The following LRMDA variants were observed in gnomAD, a reference collection of about 807,000 sequenced individuals.
LRMDA encodes leucine rich melanocyte differentiation associated.
In LRMDA, 18 loss-of-function variants were observed where a neutral mutation model predicts 29.8. The observed-to-expected ratio is 0.60, with a 90% CI of 0.42 to 0.90. The LOEUF (loss-of-function observed/expected upper bound fraction) is 0.90. Ranked by LOEUF, LRMDA falls within the 40% of genes least tolerant of loss-of-function variation. The probability of loss-of-function intolerance (pLI) is 0.00; values close to 1 mark genes in which losing one functional copy is unlikely to be tolerated. For synonymous variants in LRMDA, 125 were observed against 109.4 expected, an observed-to-expected ratio of 1.14 and a Z score of -0.89; for missense variants, 273 against 273.9, an observed-to-expected ratio of 1.00 and a Z score of 0.02.
chr10:76,227,384 G>A (rs925165418), intron 5 of LRMDA, among the ~76,000 whole-genome samples: 1 of 152,090 alleles, frequency 6.6e-6, no homozygotes. Flanking sequence ...AAGTTTCTCT[G>A]TTTTTTCTTC....
At chr10:75,726,154 G>A (rs747750636) in intron 2 of LRMDA, among the ~76,000 whole-genome samples, 4 of 152,212 alleles carry the variant, frequency 2.6e-5, no homozygotes, top group Non-Finnish European at 5.9e-5. Context: ...TGGAAGGCAT[G>A]GATGAAAGCA....
chr10:75,461,227 G>T (rs1844580168), intron 2 of LRMDA, among the ~76,000 whole-genome samples: 1 of 152,168 alleles, frequency 6.6e-6, no homozygotes, highest in South Asian at 2.1e-4. Flanking sequence ...GTCGAGAAGT[G>T]TGATTGGAAA....
At chr10:76,117,099 T>A (rs1849680116) in intron 5 of LRMDA, among the ~76,000 whole-genome samples, 1 of 152,180 alleles carries the variant, frequency 6.6e-6, no homozygotes, top group Admixed American at 6.5e-5. Context: ...CTTTGCTAGC[T>A]AGGAAAAAGA....
chr10:76,454,350 G>A lies in LRMDA; in HGVS notation c.602-102859G>A, dbSNP rs148751639. On this transcript the variant is annotated intron_variant, in intron 6 of 6. Transcript: ENST00000611255. ...TCATATTACTTCCATAGTGAAAGTA[G>A]CAGTGTCTGCATTGTATGCTCTTTT... Among the ~76,000 whole-genome samples, 3 of 152,240 alleles carry A rather than the reference G, an allele frequency of 2.0e-5. No individual in the cohort carries two copies. The East Asian group carries it at 5.8e-4, about 29-fold the overall frequency.
chr10:76,478,110 T>C (rs889792403), intron 6 of LRMDA, among the ~76,000 whole-genome samples: 14 of 151,964 alleles, frequency 9.2e-5, no homozygotes, highest in South Asian at 2.1e-4. Context: ...TCAGAGTGAA[T>C]AGGCAACCTA....
chr10:76,360,496 T>A (rs1052838848), intron 6 of LRMDA, among the ~76,000 whole-genome samples: 2 of 152,142 alleles, frequency 1.3e-5, no homozygotes, highest in African/African-American at 4.8e-5. Flanking sequence ...TCAGACCCTG[T>A]GTAGGCAGAT....
At chr10:76,356,915 T>C (rs1408966115) in intron 6 of LRMDA, among the ~76,000 whole-genome samples, 1 of 152,134 alleles carries the variant, frequency 6.6e-6, no homozygotes, top group Non-Finnish European at 1.5e-5. Flanking sequence ...AACAATGACT[T>C]TGGAATTTTT....
At chr10:76,416,060 A>G (rs1842011106) in intron 6 of LRMDA, among the ~76,000 whole-genome samples, 5 of 152,228 alleles carry the variant, frequency 3.3e-5, no homozygotes, top group Admixed American at 3.3e-4. Flanking sequence ...TATCATATGG[A>G]AACACTGATA....
intron 2 of LRMDA, among the ~76,000 whole-genome samples, chr10:75,817,250 C>A (rs535239083): frequency 6.6e-6 from 1 of 152,282 alleles, no homozygotes; most frequent in Admixed American, 6.5e-5. Flanking sequence ...CCAATTGGAC[C>A]CATGCCTAAC....
chr10:75,526,412 T>A (rs1361915496), intron 2 of LRMDA, among the ~76,000 whole-genome samples: 1 of 151,844 alleles, frequency 6.6e-6, no homozygotes, highest in Non-Finnish European at 1.5e-5. Context: ...AGGTAAATAA[T>A]ACAGGTGAGA....
At chr10:76,457,753 A>G (rs1212867346) in intron 6 of LRMDA, among the ~76,000 whole-genome samples, 3 of 152,114 alleles carry the variant, frequency 2.0e-5, no homozygotes, top group Admixed American at 6.5e-5. Context: ...TTACGTCTCA[A>G]TCAGTTGACA....
chr10:75,891,132 A>C (rs1039276036), intron 2 of LRMDA, among the ~76,000 whole-genome samples: 1 of 150,624 alleles, frequency 6.6e-6, no homozygotes, highest in Non-Finnish European at 1.5e-5. Context: ...AGAAAGAAAG[A>C]AAGTTTCCTG....
intron 2 of LRMDA, among the ~76,000 whole-genome samples, chr10:75,824,307 T>C (rs75876963): frequency 4.9e-4 from 74 of 152,300 alleles, no homozygotes; most frequent in African/African-American, 1.7e-3. Context: ...TATTGGGCAA[T>C]GCTGGTCTAG....
intron 2 of LRMDA, among the ~76,000 whole-genome samples, chr10:76,010,337 G>T (rs569794617): frequency 3.6e-4 from 51 of 141,960 alleles, no homozygotes; most frequent in Non-Finnish European, 6.8e-4. Context: ...TTTTGAGACA[G>T]TGTCTCACTC....
At chr10:75,595,838 T>C (rs942601166) in intron 2 of LRMDA, among the ~76,000 whole-genome samples, 5 of 150,238 alleles carry the variant, frequency 3.3e-5, no homozygotes, top group African/African-American at 1.2e-4. Context: ...CATTGATCTC[T>C]GATCTGTATG....
At chr10:75,582,628 G>A (rs570382269) in intron 2 of LRMDA, among the ~76,000 whole-genome samples, 1 of 152,184 alleles carries the variant, frequency 6.6e-6, no homozygotes, top group Admixed American at 6.5e-5. Flanking sequence ...TGCTTTCAAG[G>A]CATTTCCCCC....
At chr10:76,052,849 G>A (rs1399727747) in intron 4 of LRMDA, among the ~76,000 whole-genome samples, 1 of 150,974 alleles carries the variant, frequency 6.6e-6, no homozygotes, top group Non-Finnish European at 1.5e-5. Context: ...ACCACCCCCA[G>A]CCTTGGGGGC....
chr10:76,034,192 T>G (rs1368035644), intron 2 of LRMDA, among the ~76,000 whole-genome samples: 4 of 152,150 alleles, frequency 2.6e-5, no homozygotes, highest in African/African-American at 7.2e-5. Context: ...TAAATTTTTT[T>G]TTTGTTTGTA....
At chr10:75,687,826 A>G (rs1842101067) in intron 2 of LRMDA, among the ~76,000 whole-genome samples, 1 of 152,208 alleles carries the variant, frequency 6.6e-6, no homozygotes, top group African/African-American at 2.4e-5. Flanking sequence ...CTTGAAGTCA[A>G]TACTCAATTT....
Sources: allele counts gnomAD v4.1 joint callset (sites outside exome capture counted in the v4.1 genomes callset), GRCh38; gene constraint gnomAD v4.1.1; transcripts MANE v1.5; gene names NCBI Gene and HGNC (gene_info 2026-07-23, HGNC 2026-07-21).